Variants in MBNL2 observed in about 807,000 individuals in gnomAD.
MBNL2 encodes muscleblind like splicing regulator 2, also known as muscleblind-like protein 2.
A neutral mutation model predicts 41.9 loss-of-function variants in MBNL2; 17 were observed. The observed-to-expected ratio is 0.41, with a 90% CI of 0.28 to 0.61. The LOEUF (loss-of-function observed/expected upper bound fraction) is 0.61. Ranked by LOEUF, MBNL2 falls within the 20% of genes least tolerant of loss-of-function variation. MBNL2 has a pLI of 0.35. For missense variants in MBNL2, 336 were observed against 505.6 expected (o/e 0.66, Z 3.22); for synonymous variants, 195 against 182.9 (o/e 1.07, Z -0.53).
At chr13:97,174,816 T>C in the MBNL2 span, among the ~76,000 whole-genome samples, 14,024 of 151,484 alleles carry the variant, frequency 0.093, 693 homozygotes, top group South Asian at 0.16. Flanking sequence ...CTAAGGCCAG[T>C]GGAAACAGGT....
At chr13:97,361,162 C>T (rs554420089) in intron 7 of MBNL2, among the ~76,000 whole-genome samples, 142 of 152,228 alleles carry the variant, frequency 9.3e-4, no homozygotes, top group African/African-American at 3.2e-3. Flanking sequence ...CAAAGCTATT[C>T]GAGAGTGAAG....
chr13:97,264,046 T>A (rs1467553619), intron 1 of MBNL2, among the ~76,000 whole-genome samples: 3 of 150,824 alleles, frequency 2.0e-5, no homozygotes. Context: ...AGTCTCGCTC[T>A]GTCACCCAGG....
chr13:97,303,492 G>A (rs147967558), intron 2 of MBNL2, among the ~76,000 whole-genome samples: 43 of 152,302 alleles, frequency 2.8e-4, no homozygotes, highest in African/African-American at 8.7e-4. Context: ...CATAGAGGTC[G>A]GAATCCAGGC....
chr13:97,261,668 G>C (rs1292976527), intron 1 of MBNL2, among the ~76,000 whole-genome samples: 4 of 152,160 alleles, frequency 2.6e-5, no homozygotes, highest in African/African-American at 7.2e-5. Flanking sequence ...GCCCACCAAA[G>C]ATTTCCCACA....
intron 5 of MBNL2, among the ~76,000 whole-genome samples, chr13:97,351,797 G>A (rs2062491662): frequency 6.6e-6 from 1 of 152,156 alleles, no homozygotes; most frequent in Admixed American, 6.5e-5. Flanking sequence ...GCAGAGGTGG[G>A]TGGATCACTG....
At chr13:97,251,518 G>A (rs1164176010) in intron 1 of MBNL2, among the ~76,000 whole-genome samples, 1 of 151,290 alleles carries the variant, frequency 6.6e-6, no homozygotes, top group Non-Finnish European at 1.5e-5. Flanking sequence ...TCAAGTGGAT[G>A]TTGCACAAAA....
intron 8 of MBNL2, among the ~76,000 whole-genome samples, chr13:97,379,837 G>A (rs1238086266): frequency 6.6e-6 from 1 of 152,234 alleles, no homozygotes; most frequent in East Asian, 1.9e-4. Flanking sequence ...GGCACAACCA[G>A]GTGAATGGAG....
chr13:97,144,505 C>CT, the MBNL2 span, among the ~76,000 whole-genome samples: 1 of 142,612 alleles, frequency 7.0e-6, no homozygotes, highest in Non-Finnish European at 1.5e-5. Flanking sequence ...TCTCAGCTTA[C>CT]TGCAACCTCT....
At chr13:97,201,248 AGTCCTCCT>A in the MBNL2 span, among the ~76,000 whole-genome samples, 8 of 152,196 alleles carry the variant, frequency 5.3e-5, no homozygotes, top group Non-Finnish European at 1.2e-4. Flanking sequence ...AGAAACACAT[AGTCCTCCT>A]GTCTGATTCG....
the MBNL2 span, among the ~76,000 whole-genome samples, chr13:97,159,402 A>G: frequency 7.3e-5 from 11 of 151,518 alleles, no homozygotes; most frequent in African/African-American, 2.7e-4. Context: ...TTACATTTAA[A>G]GTTAATAGTG....
chr13:97,245,724 C>A (rs1032371234), intron 1 of MBNL2, among the ~76,000 whole-genome samples: 2 of 152,212 alleles, frequency 1.3e-5, no homozygotes, highest in Non-Finnish European at 2.9e-5. Context: ...AGGGCTGTTA[C>A]ATTGGATTGA....
chr13:97,380,950 G>A (rs2065394756), intron 8 of MBNL2, among the ~76,000 whole-genome samples: 1 of 152,078 alleles, frequency 6.6e-6, no homozygotes, highest in Admixed American at 6.5e-5. Context: ...GGCTCGAAAG[G>A]GCACAAATCT....
rs1191113425 is a variant in MBNL2 at position 97,334,890 on chromosome 13, TAATA to T, written c.339+454_339+457del. ...ATGATTTTCCGCAATGTCATGCAGC[TAATA>T]AATCTTGGAGCTGGGACTTAACTCA... On this transcript the variant is annotated intron_variant, in intron 3 of 8. Coordinates refer to ENST00000679496, the MANE Select transcript of MBNL2 (RefSeq NM_001382683.1). This position sits in a 1 kb window ranked among gnomAD's most constrained non-coding sequence, Gnocchi z 5.3. Among the ~76,000 whole-genome samples the T allele has an allele frequency of 6.6e-6, 1 of 152,340 alleles. No individual in the cohort carries two copies. Among genetic ancestry groups the T allele is most frequent in the East Asian group, 1.9e-4 (1 of 5,182 alleles).
the MBNL2 span, among the ~76,000 whole-genome samples, chr13:97,204,370 A>AG: frequency 1.1e-4 from 17 of 152,256 alleles, no homozygotes; most frequent in Admixed American, 5.2e-4. Context: ...TAAATATCTT[A>AG]GAAAAAGGCT....
chr13:97,203,864 T>C, the MBNL2 span, among the ~76,000 whole-genome samples: 1 of 144,504 alleles, frequency 6.9e-6, no homozygotes. Flanking sequence ...ATTGAATGAA[T>C]GATAAGTGAA....
chr13:97,274,427 G>T (rs2051742543), intron 1 of MBNL2, among the ~76,000 whole-genome samples: 1 of 152,112 alleles, frequency 6.6e-6, no homozygotes, highest in South Asian at 2.1e-4. Context: ...AACCCAGGAG[G>T]CAGAGGTTGC....
the MBNL2 span, among the ~76,000 whole-genome samples, chr13:97,145,070 G>T: frequency 4.8e-4 from 73 of 152,250 alleles, no homozygotes; most frequent in African/African-American, 1.6e-3. Context: ...TTCATATCTA[G>T]GTAGAAGCTT....
At position 97,276,385 on chromosome 13, in the gene MBNL2, A is replaced by G. The variant is rs373812610; in HGVS notation, c.150A>G (p.Val50=). The G allele has an allele frequency of 1.2e-6, 2 of 1,613,978 alleles. No individual in the cohort carries two copies. Among genetic ancestry groups the G allele is most frequent in the African/African-American group, 2.7e-5 (2 of 74,936 alleles). Residue 50 remains valine (V), a synonymous_variant, in exon 2 of 9, where the codon GTA becomes GTG. Transcript: ENST00000679496. ...GTTGTCAGGTTGAAAATGGAAGAGT[A>G]ATTGCCTGCTTTGATTCCCTAAAGG... ...PKSCQVENGR[V]IACFDSLKGR...
the MBNL2 span, among the ~76,000 whole-genome samples, chr13:97,156,279 T>C: frequency 1.4e-5 from 2 of 139,614 alleles, no homozygotes; most frequent in Non-Finnish European, 3.1e-5. Context: ...TTGAGTTCAT[T>C]GTAGATTCTG....
Sources: gnomAD v4.1 joint callset for allele counts (sites outside exome capture counted in the v4.1 genomes callset) on GRCh38, gnomAD v4.1.1 for gene constraint, Gnocchi (gnomAD v3.1) non-coding constraint, MANE v1.5 for transcripts, NCBI Gene and HGNC (gene_info 2026-07-23, HGNC 2026-07-21) for gene names.